MTA3: variants seen among roughly 807,000 people sequenced by gnomAD.
MTA3 encodes metastasis associated 1 family member 3.
Under a neutral mutation model 83.5 loss-of-function variants are expected in MTA3, and 34 were observed. The observed-to-expected ratio is 0.41, with a 90% CI of 0.31 to 0.54. The LOEUF is 0.54. MTA3 is among the 20% of genes least tolerant of loss of function. MTA3 has a pLI of 0.33. For missense variants in MTA3, 761 were observed against 726.4 expected (o/e 1.05, Z -0.55); for synonymous variants, 303 against 252.7 (o/e 1.20, Z -1.89).
At chr2:42,583,337 G>T (rs1322627589) in intron 3 of MTA3, among the ~76,000 whole-genome samples, 1 of 152,134 alleles carries the variant, frequency 6.6e-6, no homozygotes, top group African/African-American at 2.4e-5. Flanking sequence ...CTGTATTTCT[G>T]TTGGTATTGA....
chr2:42,686,165 T>C (rs1558581275), intron 9 of MTA3, among the ~76,000 whole-genome samples: 1 of 152,200 alleles, frequency 6.6e-6, no homozygotes, highest in East Asian at 1.9e-4. Flanking sequence ...TCCAGTGTCT[T>C]AGTTTTCCCA....
chr2:42,565,091 CT>C (rs1283671877), upstream of MTA3, among the ~76,000 whole-genome samples: 3 of 151,808 alleles, frequency 2.0e-5, no homozygotes, highest in Non-Finnish European at 4.4e-5. Flanking sequence ...GCACCAATCT[CT>C]TTTTATTTTT....
At chr2:42,548,832 AT>A (rs1471914734) in intron 2 of MTA3, among the ~76,000 whole-genome samples, 4 of 5,484 alleles carry the variant, frequency 7.3e-4, no homozygotes, top group Non-Finnish European at 1.2e-3. Context: ...TATATATAAT[AT>A]ATATATATAT....
intron 4 of MTA3, among the ~76,000 whole-genome samples, chr2:42,622,232 G>C (rs886576387): frequency 1.3e-5 from 2 of 152,116 alleles, no homozygotes; most frequent in Non-Finnish European, 2.9e-5. Context: ...GCGAAACCCC[G>C]TCTCCACCAA....
In MTA3 at chr2:42,627,659, G is replaced by A. The variant is rs531164387; in HGVS notation, c.318-12514G>A. 6.0e-5 allele frequency among the ~76,000 whole-genome samples: 9 copies of A among 151,122 alleles called. No individual in the cohort carries two copies. In the South Asian group the frequency reaches 1.9e-3, roughly 32 times the overall value. ...GCTCACTGCAACCTCCACCTCAGGA[G>A]TTCAAGTGATCCTCCTGCCTCAGCC... On this transcript the variant is annotated intron_variant, in intron 4 of 16. Transcript: ENST00000405094.
intron 8 of MTA3, among the ~76,000 whole-genome samples, chr2:42,675,754 T>C (rs181837600): frequency 2.6e-5 from 4 of 152,342 alleles, no homozygotes; most frequent in Admixed American, 2.6e-4. Flanking sequence ...TTTTCCTAGC[T>C]TATTTTCTTT....
chr2:42,616,225 T>C (rs1027691569), intron 4 of MTA3, among the ~76,000 whole-genome samples: 1 of 152,062 alleles, frequency 6.6e-6, no homozygotes, highest in Admixed American at 6.5e-5. Flanking sequence ...CACGCCTGGC[T>C]AATATTTTTG....
intron 11 of MTA3, among the ~76,000 whole-genome samples, chr2:42,701,272 A>T (rs1470704151): frequency 1.5e-5 from 2 of 136,018 alleles, no homozygotes; most frequent in Admixed American, 1.5e-4. Context: ...ACTGCACTCC[A>T]GCCTGGGTGA....
intron 3 of MTA3, among the ~76,000 whole-genome samples, chr2:42,587,127 A>T (rs1294080626): frequency 6.6e-6 from 1 of 152,078 alleles, no homozygotes; most frequent in Non-Finnish European, 1.5e-5. Flanking sequence ...CAGGAGGCGG[A>T]GGTTGCAGTG....
intron 9 of MTA3, among the ~76,000 whole-genome samples, chr2:42,693,129 C>T (rs976219096): frequency 6.6e-6 from 1 of 152,182 alleles, no homozygotes; most frequent in African/African-American, 2.4e-5. Flanking sequence ...TCCTTCTCTC[C>T]CCACACCCCG....
At chr2:42,624,511 G>C (rs138463746) in intron 4 of MTA3, among the ~76,000 whole-genome samples, 2,730 of 152,104 alleles carry the variant, frequency 0.018, 82 homozygotes, top group African/African-American at 0.062. Context: ...AGTAGAGACA[G>C]GGTTTCACCA....
chr2:42,629,785 A>G lies in MTA3; in HGVS notation c.318-10388A>G, dbSNP rs555589114. ...TGGAATTCATGGGGCCTGAAAAACA[A>G]TTTTTTTTTTTGAGGTGTAGTCTTG... On this transcript the variant is annotated intron_variant, in intron 4 of 16. Transcript: ENST00000405094. Among the ~76,000 whole-genome samples the G allele has an allele frequency of 2.7e-5, 4 of 147,978 alleles. No individual in the cohort carries two copies. In the South Asian group the frequency reaches 6.4e-4, roughly 24 times the overall value.
chr2:42,518,272 T>C (rs1226357709), intron 2 of MTA3, among the ~76,000 whole-genome samples: 1 of 152,154 alleles, frequency 6.6e-6, no homozygotes, highest in African/African-American at 2.4e-5. Flanking sequence ...TAAAAGGAAC[T>C]AGGGCTCCTT....
intron 3 of MTA3, among the ~76,000 whole-genome samples, chr2:42,591,308 T>C (rs1001962603): frequency 6.6e-6 from 1 of 152,216 alleles, no homozygotes; most frequent in Non-Finnish European, 1.5e-5. Flanking sequence ...GTGATACACC[T>C]GTGTAGGGCA....
intron 3 of MTA3, among the ~76,000 whole-genome samples, chr2:42,603,457 A>C (rs1352780554): frequency 6.6e-6 from 1 of 152,194 alleles, no homozygotes; most frequent in Admixed American, 6.6e-5. Flanking sequence ...AATTTATTAC[A>C]GTATTGGGCA....
intron 6 of MTA3, among the ~76,000 whole-genome samples, chr2:42,652,382 C>A (rs1439663006): frequency 6.6e-6 from 1 of 152,188 alleles, no homozygotes; most frequent in Non-Finnish European, 1.5e-5. Context: ...CCCCCCATCC[C>A]CCCACGTAAA....
intron 3 of MTA3, among the ~76,000 whole-genome samples, chr2:42,603,907 C>T (rs957793437): frequency 3.9e-5 from 6 of 152,168 alleles, no homozygotes; most frequent in African/African-American, 1.2e-4. Context: ...CCCACCATCT[C>T]ACCTGGCTAA....
At chr2:42,700,842 T>C (rs1203953012) in intron 11 of MTA3, among the ~76,000 whole-genome samples, 1 of 152,234 alleles carries the variant, frequency 6.6e-6, no homozygotes, top group Non-Finnish European at 1.5e-5. Context: ...GGCTCATGCC[T>C]GTAATCCCAG....
At chr2:42,612,266 A>G (rs9309085) in intron 4 of MTA3, among the ~76,000 whole-genome samples, 152,267 of 152,272 alleles carry the variant, frequency 1, 76,131 homozygotes, top group East Asian at 1. Flanking sequence ...CTAGGCTGGA[A>G]AGTAGTGGCA....
Sources: gnomAD v4.1 joint callset for allele counts (sites outside exome capture counted in the v4.1 genomes callset) on GRCh38, gnomAD v4.1.1 for gene constraint, MANE v1.5 for transcripts, NCBI Gene and HGNC (gene_info 2026-07-23, HGNC 2026-07-21) for gene names.